Variants in PLPP1 observed in about 807,000 individuals in gnomAD.
PLPP1 encodes lipid phosphate phosphohydrolase 1a.
In PLPP1, 24 loss-of-function variants were observed where a neutral mutation model predicts 31.2. The observed-to-expected ratio is 0.77, with a 90% CI of 0.56 to 1.08. The LOEUF (loss-of-function observed/expected upper bound fraction) is 1.08. PLPP1 is among the 50% of genes least tolerant of loss of function. The pLI is 0.00. For missense variants in PLPP1, 319 were observed against 342.7 expected (o/e 0.93, Z 0.55); for synonymous variants, 146 against 126.3 (o/e 1.16, Z -1.05).
chr5:55,463,187 G>T lies in PLPP1; in HGVS notation c.491+4682C>A, dbSNP rs530926311. ...CATCACACACCGGGGCCTGTCAGGGGGTGTGGGGTAAGGCGTGGGGAGAGC... is the reference window on the plus strand; with the variant it reads ...CATCACACACCGGGGCCTGTCAGGGTGTGTGGGGTAAGGCGTGGGGAGAGC... On this transcript the variant is annotated intron_variant, in intron 3 of 5. Transcript: ENST00000307259. Among the ~76,000 whole-genome samples the T allele has an allele frequency of 5.3e-5, 8 of 152,016 alleles. No homozygotes were observed. The South Asian group carries it at 1.5e-3, about 28-fold the overall frequency.
chr5:55,516,916 A>G (rs1436796621), intron 1 of PLPP1, among the ~76,000 whole-genome samples: 1 of 152,258 alleles, frequency 6.6e-6, no homozygotes, highest in Admixed American at 6.5e-5. Context: ...TTACATAAAC[A>G]TAATGGTAGC....
intron 3 of PLPP1, among the ~76,000 whole-genome samples, chr5:55,464,023 G>T (rs1309128808): frequency 1.3e-5 from 2 of 151,378 alleles, no homozygotes; most frequent in Non-Finnish European, 2.9e-5. Flanking sequence ...CACACGAAAA[G>T]ATGTTCAGCA....
intron 1 of PLPP1, among the ~76,000 whole-genome samples, chr5:55,507,152 T>C (rs1210014311): frequency 6.6e-6 from 1 of 152,172 alleles, no homozygotes; most frequent in African/African-American, 2.4e-5. Flanking sequence ...ATTCAAAATT[T>C]TACCAACTTA....
chr5:55,460,549 G>A (rs1356146765), intron 3 of PLPP1, among the ~76,000 whole-genome samples: 2 of 152,166 alleles, frequency 1.3e-5, no homozygotes, highest in Non-Finnish European at 2.9e-5. Context: ...TGAACAATTT[G>A]ATGCCAATAA....
intron 1 of PLPP1, chr5:55,530,605 G>T: frequency 1.4e-6 from 2 of 1,453,342 alleles, no homozygotes; most frequent in South Asian, 1.1e-5. Context: ...AGTCTCATGC[G>T]ATAGAATTTA....
At chr5:55,527,233 A>G (rs1036731112) in intron 1 of PLPP1, among the ~76,000 whole-genome samples, 2 of 152,158 alleles carry the variant, frequency 1.3e-5, no homozygotes, top group African/African-American at 4.8e-5. Context: ...GCTCCTTAGG[A>G]GTATCCTTAA....
intron 4 of PLPP1, among the ~76,000 whole-genome samples, chr5:55,439,026 C>T (rs1365367550): frequency 1.3e-5 from 2 of 152,140 alleles, no homozygotes; most frequent in African/African-American, 4.8e-5. Context: ...CAGTAAAATG[C>T]AGTGCATGGT....
intron 3 of PLPP1, among the ~76,000 whole-genome samples, chr5:55,465,660 A>G (rs1752274702): frequency 6.6e-6 from 1 of 152,198 alleles, no homozygotes; most frequent in Admixed American, 6.5e-5. Context: ...ATAAGCTTGT[A>G]TCAGATTTTG....
At position 55,467,924 on chromosome 5, in the gene PLPP1, C is replaced by T. The variant is rs756529035; in HGVS notation, c.436G>A (p.Gly146Ser). 2.5e-6 allele frequency: 4 copies of T among 1,614,120 alleles called. No individual in the cohort carries two copies. The South Asian group carries it at 4.4e-5, about 18-fold the overall frequency. The change falls in exon 3 of 6, where the codon GGT becomes AGT. Residue 146 changes from glycine to serine, a missense_variant. Gly to Ser is a moderately conservative substitution (Grantham distance 56). Transcript: ENST00000307259. ...CGACATATGTAGTATTCAATGTAAC[C>T]ATCGCTGCAGTTGATTTTTGACCAA... is the stretch of plus-strand genomic sequence containing the variant. ...PDWSKINCSD[G>S]YIEYYICRGN...
chr5:55,485,332 T>G (rs1260094977), intron 1 of PLPP1, among the ~76,000 whole-genome samples: 1 of 152,166 alleles, frequency 6.6e-6, no homozygotes, highest in Non-Finnish European at 1.5e-5. Flanking sequence ...AGGAGTTACA[T>G]GGGTATGTGT....
chr5:55,530,361 CTGTT>C (rs1740616800), intron 1 of PLPP1: 4 of 1,351,736 alleles, frequency 3.0e-6, no homozygotes, highest in African/African-American at 2.9e-5. Flanking sequence ...TAAGTGATTA[CTGTT>C]AGAGTGATCC....
At chr5:55,492,130 T>A (rs1752907388) in intron 1 of PLPP1, among the ~76,000 whole-genome samples, 1 of 152,164 alleles carries the variant, frequency 6.6e-6, no homozygotes, top group Non-Finnish European at 1.5e-5. Flanking sequence ...TCTTAAGATA[T>A]TCAAATTTAC....
intron 1 of PLPP1, among the ~76,000 whole-genome samples, chr5:55,528,330 G>A (rs923882904): frequency 2.0e-5 from 3 of 152,160 alleles, no homozygotes; most frequent in African/African-American, 7.2e-5. Flanking sequence ...TCTAAGACAA[G>A]GCTCTCGTCT....
intron 3 of PLPP1, among the ~76,000 whole-genome samples, chr5:55,442,415 A>G (rs112790587): frequency 1.4e-3 from 218 of 152,270 alleles, no homozygotes; most frequent in African/African-American, 5.1e-3. Context: ...GCACTTCAGG[A>G]GGCCAAGGCG....
Position 55,526,766 on chromosome 5 carries a change from A to C in PLPP1, c.58+7806T>G, listed in dbSNP as rs374902620. On this transcript the variant is annotated intron_variant, in intron 1 of 5. Coordinates refer to ENST00000307259, the MANE Select transcript of PLPP1 (RefSeq NM_003711.4). ...GCTAACACGGTGAAACCCTGTCTCT[A>C]CTAAAAATACAAAAAATTAGCTGGG... Among the ~76,000 whole-genome samples the C allele has an allele frequency of 4.7e-3, 722 of 152,070 alleles. 2 individuals carry two copies. The highest frequency in any genetic ancestry group is 0.017 in the African/African-American group (696 of 41,484).
chr5:55,435,882 T>C (rs1054957187), intron 4 of PLPP1, among the ~76,000 whole-genome samples: 1 of 151,830 alleles, frequency 6.6e-6, no homozygotes, highest in African/African-American at 2.4e-5. Context: ...TGTACTACAG[T>C]GTGCGCCTGT....
intron 1 of PLPP1, among the ~76,000 whole-genome samples, chr5:55,483,144 T>TA: frequency 6.6e-6 from 1 of 152,262 alleles, no homozygotes; most frequent in East Asian, 1.9e-4. Context: ...TAGGAGCACT[T>TA]AGACTACCAA....
In PLPP1 at chr5:55,530,621, T is replaced by C. The variant is rs1459082326; in HGVS notation, c.58+3951A>G. The C allele has an allele frequency of 5.1e-6, 8 of 1,565,890 alleles. No individual in the cohort carries two copies. The African/African-American group carries it at 8.1e-5, about 16-fold the overall frequency. On this transcript the variant is annotated intron_variant, in intron 1 of 5. Transcript: ENST00000307259. ...GTCTCATGCGATAGAATTTAATCTG[T>C]TTTGCACAGCATCTGCAGCTACCAG...
At chr5:55,427,729 C>T (rs1751241673) in intron 4 of PLPP1, among the ~76,000 whole-genome samples, 1 of 147,676 alleles carries the variant, frequency 6.8e-6, no homozygotes, top group Non-Finnish European at 1.5e-5. Flanking sequence ...AAAGAATTAA[C>T]ATTTACTTAA....
Sources: gnomAD v4.1 joint callset for allele counts (sites outside exome capture counted in the v4.1 genomes callset) on GRCh38, gnomAD v4.1.1 for gene constraint, MANE v1.5 for transcripts, NCBI Gene and HGNC (gene_info 2026-07-23, HGNC 2026-07-21) for gene names.